The following CORO2B variants were observed in gnomAD, a reference collection of about 807,000 sequenced individuals.
CORO2B encodes coronin 2B.
In CORO2B, 26 loss-of-function variants were observed where a neutral mutation model predicts 58.8. That is an observed-to-expected ratio of 0.44 (90% CI 0.32 to 0.61). The LOEUF (loss-of-function observed/expected upper bound fraction) is 0.61. CORO2B is among the 20% of genes least tolerant of loss of function. The pLI, the probability that CORO2B is intolerant of heterozygous loss-of-function variation, is 0.04. For missense variants in CORO2B, 460 were observed against 645.1 expected, an observed-to-expected ratio of 0.71 and a Z score of 3.11; for synonymous variants, 242 against 253.8, an observed-to-expected ratio of 0.95 and a Z score of 0.44.
the CORO2B span, among the ~76,000 whole-genome samples, chr15:68,561,517 G>A: frequency 6.6e-6 from 1 of 152,190 alleles, no homozygotes; most frequent in Non-Finnish European, 1.5e-5. Flanking sequence ...GGTTGTCAAG[G>A]AAACCAGGCC....
chr15:68,657,942 A>G (rs1398439876), intron 2 of CORO2B, among the ~76,000 whole-genome samples: 1 of 152,256 alleles, frequency 6.6e-6, no homozygotes, highest in African/African-American at 2.4e-5. Flanking sequence ...CAGGACAGGC[A>G]GAACTGCTGT....
At chr15:68,633,983 T>C (rs547844495) in intron 1 of CORO2B, among the ~76,000 whole-genome samples, 1 of 152,366 alleles carries the variant, frequency 6.6e-6, no homozygotes, top group South Asian at 2.1e-4. Context: ...GGGATCCCGG[T>C]TATCCTGAGA....
chr15:68,545,842 C>T, the CORO2B span, among the ~76,000 whole-genome samples: 2 of 152,204 alleles, frequency 1.3e-5, no homozygotes, highest in South Asian at 4.1e-4. Context: ...CCCCAGCCCT[C>T]AGCCTCAAAG....
the CORO2B span, among the ~76,000 whole-genome samples, chr15:68,532,868 C>T: frequency 6.6e-6 from 1 of 152,174 alleles, no homozygotes; most frequent in South Asian, 2.1e-4. Flanking sequence ...TAAGAACTTT[C>T]CACTCTGCCT....
intron 1 of CORO2B, among the ~76,000 whole-genome samples, chr15:68,581,313 A>G (rs1181846335): frequency 6.6e-6 from 1 of 152,156 alleles, no homozygotes; most frequent in South Asian, 2.1e-4. Context: ...TAAAATCCCC[A>G]CCTTAACCCT....
At chr15:68,638,087 C>G (rs1901090345) in intron 1 of CORO2B, among the ~76,000 whole-genome samples, 1 of 152,124 alleles carries the variant, frequency 6.6e-6, no homozygotes, top group Non-Finnish European at 1.5e-5. Flanking sequence ...CGGGCCCTCC[C>G]CATCTGGGAG....
intron 2 of CORO2B, among the ~76,000 whole-genome samples, chr15:68,682,621 T>C (rs1314719177): frequency 6.6e-6 from 1 of 152,084 alleles, no homozygotes; most frequent in Admixed American, 6.5e-5. Flanking sequence ...GTAATGCCTG[T>C]TATAGATAGA....
chr15:68,711,893 T>A (rs1892927869), intron 5 of CORO2B, among the ~76,000 whole-genome samples, 187 bp downstream of exon 5: 1 of 152,086 alleles, frequency 6.6e-6, no homozygotes, highest in South Asian at 2.1e-4. Context: ...TTGTTCTGGG[T>A]GGGGAGGGAC....
At chr15:68,603,908 C>T (rs1026824990) in intron 1 of CORO2B, among the ~76,000 whole-genome samples, 1 of 152,124 alleles carries the variant, frequency 6.6e-6, no homozygotes. Flanking sequence ...GCTCAAGGGG[C>T]AGAACATGGG....
chr15:68,527,134 A>G, the CORO2B span, among the ~76,000 whole-genome samples: 7 of 152,296 alleles, frequency 4.6e-5, no homozygotes, highest in African/African-American at 1.4e-4. Context: ...ACAGCCCCCA[A>G]CAGGTACTTG....
intron 2 of CORO2B, among the ~76,000 whole-genome samples, chr15:68,691,768 C>G (rs185487969): frequency 1.3e-5 from 2 of 151,912 alleles, no homozygotes; most frequent in Admixed American, 1.3e-4. Context: ...AGGCTCCTCT[C>G]TGTTCTGAAT....
chr15:68,533,439 G>T, the CORO2B span, among the ~76,000 whole-genome samples: 1 of 152,270 alleles, frequency 6.6e-6, no homozygotes, highest in African/African-American at 2.4e-5. Flanking sequence ...GTGCAAAATT[G>T]TTAGCTGGAC....
At chr15:68,689,665 C>A (rs946480612) in intron 2 of CORO2B, among the ~76,000 whole-genome samples, 4 of 152,120 alleles carry the variant, frequency 2.6e-5, no homozygotes, top group African/African-American at 9.7e-5. Flanking sequence ...CCGGTCACAC[C>A]CCCTGTACAG....
At chr15:68,639,037 T>TG (rs533821382) in intron 1 of CORO2B, among the ~76,000 whole-genome samples, 63 of 152,222 alleles carry the variant, frequency 4.1e-4, no homozygotes, top group African/African-American at 1.4e-3. Context: ...AGAAAGAACA[T>TG]GGTAGAGGAA....
chr15:68,566,110 T>A, the CORO2B span, among the ~76,000 whole-genome samples: 1 of 152,064 alleles, frequency 6.6e-6, no homozygotes, highest in Non-Finnish European at 1.5e-5. Flanking sequence ...GGAGAAGGGG[T>A]TGGGGAGAAA....
chr15:68,690,127 A>G (rs142812812), intron 2 of CORO2B, among the ~76,000 whole-genome samples: 2 of 152,350 alleles, frequency 1.3e-5, no homozygotes, highest in East Asian at 3.9e-4. Context: ...GAAATATTCT[A>G]TAATAGTGTG....
At chr15:68,532,239 T>C in the CORO2B span, among the ~76,000 whole-genome samples, 20 of 152,298 alleles carry the variant, frequency 1.3e-4, no homozygotes, top group African/African-American at 3.6e-4. Flanking sequence ...ATTTCTTAAA[T>C]ATTTTTCTAT....
chr15:68,665,912 T>G (rs2140290969), intron 2 of CORO2B, among the ~76,000 whole-genome samples: 1 of 152,326 alleles, frequency 6.6e-6, no homozygotes, highest in South Asian at 2.1e-4. Context: ...TTTATACCTC[T>G]GGTATATCTT....
chr15:68,526,358 G>GC, the CORO2B span, among the ~76,000 whole-genome samples: 3 of 152,176 alleles, frequency 2.0e-5, no homozygotes, highest in East Asian at 3.9e-4. Flanking sequence ...TTCTGAAGGG[G>GC]CTATACCATT....
Sources: gnomAD v4.1 joint callset for allele counts (sites outside exome capture counted in the v4.1 genomes callset) on GRCh38, gnomAD v4.1.1 for gene constraint, MANE v1.5 for transcripts, NCBI Gene and HGNC (gene_info 2026-07-23, HGNC 2026-07-21) for gene names.